ATP2B1: variants seen among roughly 807,000 people sequenced by gnomAD.
The protein encoded by ATP2B1 is ATPase plasma membrane Ca2+ transporting 1.
A neutral mutation model predicts 124.2 loss-of-function variants in ATP2B1; 14 were observed. The ratio of observed to expected loss-of-function variants is 0.11; its 90% CI spans 0.07 to 0.18. The LOEUF is 0.18. Ranked by LOEUF, ATP2B1 falls within the 10% of genes least tolerant of loss-of-function variation. The pLI, the probability that ATP2B1 is intolerant of heterozygous loss-of-function variation, is 1.00. For synonymous variants in ATP2B1, 449 were observed against 492.4 expected (o/e 0.91, Z 1.17); for missense variants, 763 against 1,466.1 (o/e 0.52, Z 7.83).
chr12:89,595,593 C>G (rs949104803), intron 20 of ATP2B1, among the ~76,000 whole-genome samples: 4 of 152,012 alleles, frequency 2.6e-5, no homozygotes, highest in African/African-American at 9.7e-5. Flanking sequence ...AATTTTGACA[C>G]CCATAGGTAG....
At position 89,658,275 on chromosome 12, in the gene ATP2B1, G is replaced by A. The variant is rs530908088; in HGVS notation, c.-221-2168C>T. ...TGCTATCCCATCAATCACCATGGAC[G>A]TGAAATGACCTGCCTGATAGGAGAT... On this transcript the variant is annotated intron_variant, in intron 1 of 20. Coordinates refer to ENST00000428670, the MANE Select transcript of ATP2B1 (RefSeq NM_001366521.1). 2.6e-5 allele frequency among the ~76,000 whole-genome samples: 4 copies of A among 152,250 alleles called. No individual in the cohort carries two copies. The East Asian group carries it at 5.8e-4, about 22-fold the overall frequency.
At chr12:89,625,110 A>C (rs1880632400) in intron 8 of ATP2B1, among the ~76,000 whole-genome samples, 1 of 151,812 alleles carries the variant, frequency 6.6e-6, no homozygotes, top group South Asian at 2.1e-4. Context: ...CTCTACCAAA[A>C]ATACAAAAAT....
Position 89,652,290 on chromosome 12 carries a change from G to C in ATP2B1, c.208+3389C>G, listed in dbSNP as rs575850931. Among the ~76,000 whole-genome samples the C allele has an allele frequency of 5.5e-5, 8 of 146,464 alleles. No individual in the cohort carries two copies. In the East Asian group the frequency reaches 1.4e-3, roughly 26 times the overall value. ...TCTTACATAAAGTCTCTAAAATTGT[G>C]ATGATTTAATTATACACCAACAACT... On this transcript the variant is annotated intron_variant, in intron 2 of 20. Transcript: ENST00000428670.
rs182965484 is a variant in ATP2B1 at position 89,608,055 on chromosome 12, G to T, written c.2442+1882C>A. Among the ~76,000 whole-genome samples, 302 of 152,100 alleles carry T rather than the reference G, an allele frequency of 2.0e-3. 1 individual carries two copies. Among genetic ancestry groups the T allele is most frequent in the African/African-American group, 7.1e-3 (293 of 41,496 alleles). On this transcript the variant is annotated intron_variant, in intron 15 of 20. Coordinates refer to ENST00000428670, the MANE Select transcript of ATP2B1 (RefSeq NM_001366521.1). ...TAAAAAAAAAACTCTAAGACAATAC[G>T]TTTGTCTAAGTTTTAACTGTACAAA...
Position 89,599,290 on chromosome 12 carries a change from T to C in ATP2B1, c.3178A>G (p.Thr1060Ala), listed in dbSNP as rs556520609. 3.1e-6 allele frequency: 5 copies of C among 1,614,054 alleles called. No individual in the cohort carries two copies. Among genetic ancestry groups the C allele is most frequent in the Admixed American group, 1.7e-5 (1 of 60,018 alleles). Residue 1060 changes from threonine (T) to alanine (A), a missense_variant, in exon 20 of 21, where the codon ACA becomes GCA. By Grantham distance (58) the Thr-to-Ala change is moderately conservative (BLOSUM62 0). Around this residue, in one of 7 missense-constraint regions of ATP2B1, gnomAD observed 118 missense variants for 240.3 expected, o/e 0.49. Coordinates refer to ENST00000428670, the MANE Select transcript of ATP2B1 (RefSeq NM_001366521.1). ...AATTTTAAACGGCTAGTTGGAATTG[T>C]TGAAATAAGCTACAACACAGGGGAA... ...GTLLWGQLISTIPTSRLKFLK... is the reference protein window; with the variant it reads ...GTLLWGQLISAIPTSRLKFLK...
Position 89,588,279 on chromosome 12 carries a change from G to T in ATP2B1, c.*2705C>A, listed in dbSNP as rs1360518820. On this transcript the variant is annotated 3_prime_UTR_variant, in exon 21 of 21. Transcript: ENST00000428670. The stretch of plus-strand genomic sequence containing the variant: ...CTTATAAACAAATCACCAATTCTTG[G>T]TTCAAAACTGACATCTGTTATGAAA... The T allele has an allele frequency of 6.6e-6, 1 of 152,370 alleles. No homozygotes were observed. The allele number at this position is 152,370 out of a possible 1,614,324, so 9.4% of individuals were successfully genotyped here.
chr12:89,603,638 CATT>C lies in ATP2B1; in HGVS notation c.2848+71_2848+73del. The C allele has an allele frequency of 1.4e-6, 2 of 1,476,108 alleles. No homozygotes were observed. Among genetic ancestry groups the C allele is most frequent in the Non-Finnish European group, 1.9e-6 (2 of 1,068,214 alleles). 91.4% of individuals were successfully genotyped at this position (1,476,108 alleles called of 1,614,324 possible). On this transcript the variant is annotated intron_variant, in intron 17 of 20. Coordinates refer to ENST00000428670, the MANE Select transcript of ATP2B1 (RefSeq NM_001366521.1). This position sits in a 1 kb window ranked among gnomAD's most constrained non-coding sequence, Gnocchi z 4.3. ...AATTTAGGCTCTTGAAAATTTGTAA[CATT>C]ATAACATCTTGGATGATTAGCTTGG...
chr12:89,683,580 T>C (rs1231492628), intron 1 of ATP2B1, among the ~76,000 whole-genome samples: 1 of 152,210 alleles, frequency 6.6e-6, no homozygotes. Context: ...CATGTAATTC[T>C]AGCCCGTAAC....
intron 15 of ATP2B1, among the ~76,000 whole-genome samples, chr12:89,606,038 G>A (rs566298274): frequency 6.6e-6 from 1 of 152,280 alleles, no homozygotes; most frequent in African/African-American, 2.4e-5. Flanking sequence ...AAAAAGCTGT[G>A]TAAGGAAGGA....
At chr12:89,704,612 AAAAAAACAAAAAAC>A (rs763417243) in intron 1 of ATP2B1, among the ~76,000 whole-genome samples, 1 of 152,276 alleles carries the variant, frequency 6.6e-6, no homozygotes, top group Non-Finnish European at 1.5e-5. Context: ...GCCTACCAGA[AAAAAAACAAAAAAC>A]AAAAAACAAA....
intron 6 of ATP2B1, among the ~76,000 whole-genome samples, chr12:89,628,915 T>C (rs1000161794): frequency 2.6e-5 from 4 of 151,936 alleles, no homozygotes; most frequent in African/African-American, 9.7e-5. Context: ...TGCTTCTGAG[T>C]AATCGCTAAG....
At chr12:89,687,838 G>A (rs750494501) in intron 1 of ATP2B1, among the ~76,000 whole-genome samples, 14 of 151,788 alleles carry the variant, frequency 9.2e-5, no homozygotes, top group Non-Finnish European at 5.9e-5. Context: ...ATTTATTCAG[G>A]AACCATTAAA....
Position 89,616,793 on chromosome 12 carries a change from T to C in ATP2B1, c.2067+9A>G. 6.2e-7 allele frequency: 1 copy of C among 1,608,100 alleles called. No individual in the cohort carries two copies. The highest frequency in any genetic ancestry group is 8.5e-7 in the Non-Finnish European group (1 of 1,174,664). On this transcript the variant is annotated intron_variant, in intron 12 of 20. Transcript: ENST00000428670. ...TTCTGCACATGCAGAACACAGAATG[T>C]TTCACCACCTCAGGTCTCACAGGAT...
At chr12:89,623,069 C>A in intron 9 of ATP2B1, among the ~76,000 whole-genome samples, 1 of 13,780 alleles carries the variant, frequency 7.3e-5, no homozygotes, top group Admixed American at 1.1e-3. Context: ...CACTTTGATA[C>A]ATTTACTTTA....
chr12:89,599,161 C>T lies in ATP2B1; in HGVS notation c.3307G>A (p.Gly1103Ser). 6.2e-7 allele frequency: 1 copy of T among 1,614,118 alleles called. No homozygotes were observed. Among genetic ancestry groups the T allele is most frequent in the Non-Finnish European group, 8.5e-7 (1 of 1,180,010 alleles). The change falls in exon 20 of 21, where the codon GGC becomes AGC. Residue 1103 changes from glycine (G) to serine (S), a missense_variant. Physicochemically the swap from Gly to Ser is moderately conservative, Grantham distance 56. Coordinates refer to ENST00000428670, the MANE Select transcript of ATP2B1 (RefSeq NM_001366521.1). Reference protein sequence around the residue: ...IDHAERELRRGQILWFRGLNR... With the variant: ...IDHAERELRRSQILWFRGLNR... ...AGACCTCTAAACCACAAGATTTGGC[C>T]ACGCCGCAACTCCCTTTCAGCGTGA... is the stretch of plus-strand genomic sequence containing the variant.
intron 20 of ATP2B1, chr12:89,594,604 AAC>A (rs1491235945): frequency 4.0e-5 from 6 of 151,290 alleles, no homozygotes; most frequent in African/African-American, 9.7e-5. Context: ...GAAAAAAAAA[AAC>A]AAAAATACTG....
chr12:89,634,700 T>C, intron 5 of ATP2B1, 78 bp downstream of exon 5: 1 of 1,392,716 alleles, frequency 7.2e-7, no homozygotes, highest in East Asian at 2.3e-5. Context: ...TATTGACTCT[T>C]AGGAAAATGG....
At chr12:89,605,740 C>G (rs1278155766) in intron 15 of ATP2B1, among the ~76,000 whole-genome samples, 1 of 152,150 alleles carries the variant, frequency 6.6e-6, no homozygotes, top group Non-Finnish European at 1.5e-5. Flanking sequence ...AGTACAAGAT[C>G]CAACACAAAG....
chr12:89,634,083 T>C (rs1882314153), intron 5 of ATP2B1, among the ~76,000 whole-genome samples: 1 of 152,108 alleles, frequency 6.6e-6, no homozygotes, highest in South Asian at 2.1e-4. Context: ...TCAACTTAGT[T>C]CAAGCTATCA....
Sources: allele counts gnomAD v4.1 joint callset (sites outside exome capture counted in the v4.1 genomes callset), GRCh38; gene constraint gnomAD v4.1.1; regional missense constraint gnomAD v4.1.1; non-coding constraint Gnocchi (gnomAD v3.1); transcripts MANE v1.5; gene names NCBI Gene and HGNC (gene_info 2026-07-23, HGNC 2026-07-21).